The following XIRP2 variants were observed in gnomAD, a reference collection of about 807,000 sequenced individuals.
XIRP2 encodes xin actin binding repeat containing 2, also known as xin actin-binding repeat-containing protein 2.
XIRP2 carries 236 observed loss-of-function variants against 277.0 expected under a neutral mutation model. The ratio of observed to expected loss-of-function variants is 0.85; its 90% CI spans 0.77 to 0.95. The LOEUF is 0.95. Among genes scored for constraint, XIRP2 ranks in the 40% least tolerant of loss-of-function variants. The pLI is 0.00. For missense variants in XIRP2, 4,640 were observed against 4,157.5 expected (o/e 1.12, Z -3.19); for synonymous variants, 1,490 against 1,416.5 (o/e 1.05, Z -1.17).
chr2:166,907,018 T>C (rs934691141), intron 2 of XIRP2, among the ~76,000 whole-genome samples: 5 of 152,172 alleles, frequency 3.3e-5, no homozygotes, highest in Non-Finnish European at 4.4e-5. Flanking sequence ...GTTAAAACAA[T>C]TTATTCTAAC....
rs186410130 is a variant in XIRP2, at chr2:166,997,892, C to T, written c.408+94002C>T. 1.1e-3 allele frequency among the ~76,000 whole-genome samples: 157 copies of T among 148,778 alleles called. 2 individuals are homozygous for T. Among genetic ancestry groups the T allele is most frequent in the African/African-American group, 3.4e-3 (135 of 40,220 alleles). On this transcript the variant is annotated intron_variant, in intron 2 of 10. Transcript: ENST00000409195. ...ACTCCACTCCAGCCTGGTGAAAGAGCGAGACTCCATCTCAAAAAAAAAAAA... is the reference window on the plus strand; with the variant it reads ...ACTCCACTCCAGCCTGGTGAAAGAGTGAGACTCCATCTCAAAAAAAAAAAA...
intron 2 of XIRP2, among the ~76,000 whole-genome samples, chr2:167,131,841 C>T (rs1238575953): frequency 6.6e-6 from 1 of 152,180 alleles, no homozygotes; most frequent in Non-Finnish European, 1.5e-5. Flanking sequence ...ACACATCCAA[C>T]TGCCTTTTGG....
chr2:167,099,156 A>G (rs554125207), intron 2 of XIRP2, among the ~76,000 whole-genome samples: 15 of 152,174 alleles, frequency 9.9e-5, no homozygotes, highest in Non-Finnish European at 1.6e-4. Context: ...AGGTTTATCT[A>G]TAAGCTCCTG....
chr2:167,187,751 A>G (rs746668261), intron 3 of XIRP2, among the ~76,000 whole-genome samples: 72 of 152,192 alleles, frequency 4.7e-4, no homozygotes, highest in Non-Finnish European at 7.1e-4. Flanking sequence ...CATTTTTCAT[A>G]TTTAATATTG....
At chr2:167,109,704 C>A (rs113440782) in intron 2 of XIRP2, among the ~76,000 whole-genome samples, 4,624 of 152,252 alleles carry the variant, frequency 0.03, 78 homozygotes, top group East Asian at 0.05. Flanking sequence ...AGAACAATTT[C>A]TATTCCTTTG....
chr2:167,243,661 G>A lies in XIRP2; in HGVS notation c.2269G>A (p.Val757Ile), dbSNP rs757530890. ...GGGCCAAATGCTGGAAATTAAAACT[G>A]TTCACAGAGAAGACGTTGAAAAGGG... ...GSGQMLEIKT[V>I]HREDVEKGDV... The change falls in exon 9 of 11, where the codon GTT becomes ATT. Residue 757 changes from valine (V) to isoleucine (I), a missense_variant. Val to Ile is a conservative substitution (Grantham distance 29, BLOSUM62 3). Transcript: ENST00000409195. The A allele has an allele frequency of 6.2e-7, 1 of 1,613,984 alleles. No homozygotes were observed. The highest frequency in any genetic ancestry group is 8.5e-7 in the Non-Finnish European group (1 of 1,179,956).
intron 2 of XIRP2, among the ~76,000 whole-genome samples, chr2:167,093,047 A>C (rs796595616): frequency 5.9e-5 from 9 of 152,230 alleles, no homozygotes; most frequent in African/African-American, 2.2e-4. Flanking sequence ...AAGCGAAATT[A>C]GTTTTCTTAC....
rs922199056 is a variant in XIRP2 at position 167,244,736 on chromosome 2, G to C, written c.3344G>C (p.Ser1115Thr). The part of the protein sequence containing the change: ...SLYEKVSLMT[S>T]SEEIHKGDVK... ...TATGAAAAAGTTTCGTTAATGACCA[G>C]CAGTGAAGAAATTCATAAGGGAGAT... Residue 1115 changes from serine (S) to threonine (T), a missense_variant, in exon 9 of 11, where the codon AGC becomes ACC. Physicochemically the swap from Ser to Thr is moderately conservative, Grantham distance 58. Coordinates refer to ENST00000409195, the MANE Select transcript of XIRP2 (RefSeq NM_152381.6). The C allele has an allele frequency of 3.1e-6, 5 of 1,613,150 alleles. No homozygotes were observed. Among genetic ancestry groups the C allele is most frequent in the East Asian group, 4.5e-5 (2 of 44,836 alleles).
chr2:167,173,332 C>G (rs58616240), intron 3 of XIRP2, among the ~76,000 whole-genome samples: 41,436 of 152,082 alleles, frequency 0.27, 7,087 homozygotes, highest in African/African-American at 0.49. Context: ...ATGTCCATGA[C>G]TTCAATGCTT....
intron 5 of XIRP2, among the ~76,000 whole-genome samples, chr2:167,228,137 T>C (rs1379906171): frequency 6.6e-6 from 1 of 152,194 alleles, no homozygotes; most frequent in African/African-American, 2.4e-5. Flanking sequence ...TAAAATATAA[T>C]CAGACTGTCT....
At chr2:167,101,319 A>G (rs951104272) in intron 2 of XIRP2, among the ~76,000 whole-genome samples, 41 of 152,324 alleles carry the variant, frequency 2.7e-4, no homozygotes, top group African/African-American at 8.2e-4. Context: ...ATATGTACAT[A>G]TATAATTTTT....
chr2:166,998,435 A>C (rs374744414), intron 2 of XIRP2, among the ~76,000 whole-genome samples: 9 of 152,228 alleles, frequency 5.9e-5, no homozygotes, highest in East Asian at 3.9e-4. Flanking sequence ...CAGGAGATCG[A>C]GACCATCCTG....
chr2:167,205,101 G>A (rs1693819137), intron 3 of XIRP2, among the ~76,000 whole-genome samples: 1 of 152,058 alleles, frequency 6.6e-6, no homozygotes, highest in African/African-American at 2.4e-5. Context: ...CAGTACAGAT[G>A]TTCTATTTTC....
rs1451923828 is a variant in XIRP2, at chr2:167,007,698, C to T, written c.408+103808C>T. Among the ~76,000 whole-genome samples the T allele has an allele frequency of 6.0e-5, 7 of 116,060 alleles. 1 individual carries two copies. The South Asian group carries it at 2.0e-3, about 33-fold the overall frequency. 76.1% of individuals were successfully genotyped at this position (116,060 alleles called of 152,430 possible). A position where few individuals can be genotyped will look rare whatever the true frequency, so the allele number is the denominator to read the frequency against. Reference sequence around the variant, plus strand: ...ATGTACACTCTCTCTCTCTCTCTCTCTCTCTCACACACACACACACACACA... The same window carrying T: ...ATGTACACTCTCTCTCTCTCTCTCTTTCTCTCACACACACACACACACACA... On this transcript the variant is annotated intron_variant, in intron 2 of 10. Coordinates refer to ENST00000409195, the MANE Select transcript of XIRP2 (RefSeq NM_152381.6).
intron 3 of XIRP2, among the ~76,000 whole-genome samples, chr2:167,195,060 A>T (rs1342118601): frequency 6.6e-6 from 1 of 152,158 alleles, no homozygotes; most frequent in Non-Finnish European, 1.5e-5. Context: ...TTAAGAGAGA[A>T]ACTGGTCTAT....
intron 2 of XIRP2, among the ~76,000 whole-genome samples, chr2:166,935,376 G>A (rs962131070): frequency 6.6e-6 from 1 of 152,088 alleles, no homozygotes; most frequent in Non-Finnish European, 1.5e-5. Flanking sequence ...CTAGAAAGAG[G>A]GATGGATGGA....
At chr2:167,074,568 T>G (rs1267168118) in intron 2 of XIRP2, among the ~76,000 whole-genome samples, 1 of 152,098 alleles carries the variant, frequency 6.6e-6, no homozygotes, top group Non-Finnish European at 1.5e-5. Context: ...TAGGAGACAA[T>G]GCATTGGACC....
At chr2:167,100,746 C>A (rs985753421) in intron 2 of XIRP2, among the ~76,000 whole-genome samples, 4 of 152,182 alleles carry the variant, frequency 2.6e-5, no homozygotes, top group Non-Finnish European at 5.9e-5. Context: ...CTTGTTAGGT[C>A]TGTGTGTGTC....
chr2:166,912,815 C>T lies in XIRP2; in HGVS notation c.408+8925C>T, dbSNP rs1301195172. Among the ~76,000 whole-genome samples, 4 of 152,138 alleles carry T rather than the reference C, an allele frequency of 2.6e-5. No homozygotes were observed. The East Asian group carries it at 7.7e-4, about 29-fold the overall frequency. On this transcript the variant is annotated intron_variant, in intron 2 of 10. Coordinates refer to ENST00000409195, the MANE Select transcript of XIRP2 (RefSeq NM_152381.6). Reference sequence around the variant, plus strand: ...GATGTCCTTTCTGTTTGTTAGTTTTCCTTCTAACAGTCAGGACTCTCAGCT... The same window carrying T: ...GATGTCCTTTCTGTTTGTTAGTTTTTCTTCTAACAGTCAGGACTCTCAGCT...
Sources: gnomAD v4.1 joint callset for allele counts (sites outside exome capture counted in the v4.1 genomes callset) on GRCh38, gnomAD v4.1.1 for gene constraint, MANE v1.5 for transcripts, NCBI Gene and HGNC (gene_info 2026-07-23, HGNC 2026-07-21) for gene names.